The following SENP1 variants were observed in gnomAD, a reference collection of about 807,000 sequenced individuals.
The protein encoded by SENP1 is SUMO specific peptidase 1, also known as sentrin-specific protease 1.
A neutral mutation model predicts 93.0 loss-of-function variants in SENP1; 21 were observed. That is an observed-to-expected ratio of 0.23 (90% CI 0.16 to 0.33). The LOEUF (loss-of-function observed/expected upper bound fraction) is 0.33, where lower values mean the gene tolerates loss of function less well. Ranked by LOEUF, SENP1 falls within the 10% of genes least tolerant of loss-of-function variation. The probability of loss-of-function intolerance (pLI) is 1.00; values close to 1 mark genes in which losing one functional copy is unlikely to be tolerated. For missense variants in SENP1, 591 were observed against 758.7 expected (o/e 0.78, Z 2.60); for synonymous variants, 256 against 259.6 (o/e 0.99, Z 0.13).
chr12:48,084,032 C>G (rs1157279412), intron 5 of SENP1, among the ~76,000 whole-genome samples: 1 of 152,126 alleles, frequency 6.6e-6, no homozygotes, highest in Non-Finnish European at 1.5e-5. Flanking sequence ...TTATTTTGGT[C>G]AGAAACCATA....
intron 6 of SENP1, among the ~76,000 whole-genome samples, chr12:48,082,136 G>A (rs1474661231): frequency 1.3e-5 from 2 of 151,516 alleles, no homozygotes; most frequent in Non-Finnish European, 2.9e-5. Flanking sequence ...TGATCCGCCC[G>A]TCTCAGCCTC....
Position 48,045,088 on chromosome 12 carries a change from G to A in SENP1, c.*234C>T, listed in dbSNP as rs1941265430. On this transcript the variant is annotated 3_prime_UTR_variant, in exon 18 of 18. Coordinates refer to ENST00000549518, the MANE Select transcript of SENP1 (RefSeq NM_001267594.2). Reference sequence around the variant, plus strand: ...AAGTGAAAAGCAGTCTCTCTCTTCAGCTTAGGGATGTCCCTCACCCCTTTC... The same window carrying A: ...AAGTGAAAAGCAGTCTCTCTCTTCAACTTAGGGATGTCCCTCACCCCTTTC... The A allele has an allele frequency of 3.9e-6, 2 of 519,462 alleles. No individual in the cohort carries two copies. Among genetic ancestry groups the A allele is most frequent in the East Asian group, 2.8e-5 (1 of 35,378 alleles). The allele number at this position is 519,462 out of a possible 1,614,324, so 32.2% of individuals were successfully genotyped here.
chr12:48,076,490 A>G (rs61918779), intron 6 of SENP1, among the ~76,000 whole-genome samples: 4 of 151,236 alleles, frequency 2.6e-5, no homozygotes, highest in African/African-American at 9.7e-5. Flanking sequence ...ACACAGAGCT[A>G]ATTTTTTTTT....
intron 4 of SENP1, among the ~76,000 whole-genome samples, chr12:48,093,772 C>T (rs1257872907): frequency 6.6e-6 from 1 of 151,270 alleles, no homozygotes; most frequent in East Asian, 1.9e-4. Context: ...AACTATTAGC[C>T]TGGACAACAT....
rs1941285301 is a variant in SENP1, at chr12:48,045,360, G to T, written c.1897C>A (p.Arg633=). Reference sequence around the variant, plus strand: ...CGGTGGAGGATCTCCCAGACCATCCGCTTCCGGAAGTATGGCATGTGTTGC... The same window carrying T: ...CGGTGGAGGATCTCCCAGACCATCCTCTTCCGGAAGTATGGCATGTGTTGC... ...TQQHMPYFRK[R]MVWEILHRKL... Residue 633 remains arginine, a synonymous_variant, in exon 18 of 18, where the codon CGG becomes AGG. Coordinates refer to ENST00000549518, the MANE Select transcript of SENP1 (RefSeq NM_001267594.2). 1 of 1,613,504 alleles carries T rather than the reference G, an allele frequency of 6.2e-7. No individual in the cohort carries two copies. The highest frequency in any genetic ancestry group is 1.7e-5 in the Admixed American group (1 of 59,954).
At chr12:48,079,303 T>C (rs1944349566) in intron 6 of SENP1, among the ~76,000 whole-genome samples, 1 of 151,964 alleles carries the variant, frequency 6.6e-6, no homozygotes, top group Admixed American at 6.6e-5. Context: ...ATCGAGACCA[T>C]CCTGGCTAAC....
At chr12:48,101,376 T>C (rs1481411380) in intron 2 of SENP1, 93 bp downstream of exon 2, 1 of 963,468 alleles carries the variant, frequency 1.0e-6, no homozygotes, top group Non-Finnish European at 1.6e-6. Context: ...AGCACAAAGA[T>C]ACAAATACTG....
chr12:48,105,481 C>G (rs1946458594), intron 1 of SENP1: 1 of 518,992 alleles, frequency 1.9e-6, no homozygotes, highest in Non-Finnish European at 3.8e-6. Context: ...CCAGACGTTT[C>G]TTTCTGATGG....
At chr12:48,075,996 G>T (rs1944041976) in intron 6 of SENP1, among the ~76,000 whole-genome samples, 1 of 152,146 alleles carries the variant, frequency 6.6e-6, no homozygotes, top group Non-Finnish European at 1.5e-5. Flanking sequence ...AAAATAGTAA[G>T]GTCCATGTGA....
chr12:48,047,011 G>A lies in SENP1; in HGVS notation c.1743C>T (p.Thr581=). The A allele has an allele frequency of 6.2e-7, 1 of 1,612,692 alleles. No homozygotes were observed. The change falls in exon 16 of 18, where the codon ACC becomes ACT. Residue 581 remains threonine, a synonymous_variant. Coordinates refer to ENST00000549518, the MANE Select transcript of SENP1 (RefSeq NM_001267594.2). ...TCTTGCTGAAAAGCTGCCAGCCATTGGTGTCAAACTCTTTCCTTTTCTTGT... is the reference window on the plus strand; with the variant it reads ...TCTTGCTGAAAAGCTGCCAGCCATTAGTGTCAAACTCTTTCCTTTTCTTGT... ...SIDKKRKEFD[T]NGWQLFSKKS... is the part of the protein sequence containing the mutation.
At chr12:48,079,598 G>GA (rs1425510087) in intron 6 of SENP1, among the ~76,000 whole-genome samples, 1 of 152,066 alleles carries the variant, frequency 6.6e-6, no homozygotes, top group Non-Finnish European at 1.5e-5. Context: ...TTTAAAACCT[G>GA]AAAAAACCCT....
chr12:48,048,148 C>T, intron 14 of SENP1, 68 bp from the exon 15 acceptor site: 1 of 1,016,722 alleles, frequency 9.8e-7, no homozygotes, highest in South Asian at 1.4e-5. Context: ...TTTTTCCCTT[C>T]CCTGCCCTTT....
At chr12:48,085,180 A>T (rs1944766823) in intron 5 of SENP1, 2 of 1,460,930 alleles carry the variant, frequency 1.4e-6, no homozygotes, top group Non-Finnish European at 1.9e-6. Context: ...CTGGTGGTGG[A>T]GAAGGATACG....
intron 13 of SENP1, among the ~76,000 whole-genome samples, chr12:48,056,888 ATTAT>A (rs1374676132): frequency 1.6e-5 from 1 of 60,726 alleles, no homozygotes; most frequent in Non-Finnish European, 2.7e-5. Context: ...TATATAATAT[ATTAT>A]TTAATATATT....
intron 9 of SENP1, among the ~76,000 whole-genome samples, chr12:48,071,081 C>T (rs1943660449): frequency 6.6e-6 from 1 of 152,006 alleles, no homozygotes; most frequent in South Asian, 2.1e-4. Context: ...AAGACCCTGT[C>T]TCAAAACAAA....
chr12:48,104,582 G>A (rs1027123074), intron 1 of SENP1, among the ~76,000 whole-genome samples: 11 of 152,038 alleles, frequency 7.2e-5, no homozygotes, highest in African/African-American at 2.4e-4. Context: ...ACTGTGCACC[G>A]ACTACGTGCA....
intron 13 of SENP1, among the ~76,000 whole-genome samples, chr12:48,052,304 C>T (rs1941879453): frequency 1.3e-5 from 2 of 152,214 alleles, no homozygotes; most frequent in African/African-American, 4.8e-5. Flanking sequence ...AAACATTTCA[C>T]TACCAGTAAA....
chr12:48,068,104 C>A (rs1436407985), intron 9 of SENP1, among the ~76,000 whole-genome samples: 2 of 152,086 alleles, frequency 1.3e-5, no homozygotes, highest in African/African-American at 4.8e-5. Flanking sequence ...GAACTCATGA[C>A]CTCCGGTGAT....
chr12:48,070,317 T>C lies in SENP1; in HGVS notation c.995+1350A>G, dbSNP rs530814577. 3.3e-5 allele frequency among the ~76,000 whole-genome samples: 5 copies of C among 152,322 alleles called. No homozygotes were observed. In the South Asian group the frequency reaches 8.3e-4, roughly 25 times the overall value. ...TCCATCATGTCTCTGCTCAAGTCACTTTATCAGAGACTTTCCATGACCACC... is the reference window on the plus strand; with the variant it reads ...TCCATCATGTCTCTGCTCAAGTCACCTTATCAGAGACTTTCCATGACCACC... On this transcript the variant is annotated intron_variant, in intron 9 of 17. Coordinates refer to ENST00000549518, the MANE Select transcript of SENP1 (RefSeq NM_001267594.2).
Sources: gnomAD v4.1 joint callset for allele counts (sites outside exome capture counted in the v4.1 genomes callset) on GRCh38, gnomAD v4.1.1 for gene constraint, MANE v1.5 for transcripts, NCBI Gene and HGNC (gene_info 2026-07-23, HGNC 2026-07-21) for gene names.